The following EYA2 variants were observed in gnomAD, a reference collection of about 807,000 sequenced individuals.
EYA2 encodes the protein EYA transcriptional coactivator and phosphatase 2.
A neutral mutation model predicts 69.2 loss-of-function variants in EYA2; 31 were observed. That is an observed-to-expected ratio of 0.45 (90% CI 0.34 to 0.60). EYA2 has a LOEUF of 0.60. Among genes scored for constraint, EYA2 ranks in the 20% least tolerant of loss-of-function variants. EYA2 has a pLI of 0.02. For missense variants in EYA2, 622 were observed against 701.2 expected (o/e 0.89, Z 1.28); for synonymous variants, 257 against 279.4 (o/e 0.92, Z 0.80).
chr20:47,130,816 G>A lies in EYA2; in HGVS notation c.889-12243G>A, dbSNP rs182403741. Among the ~76,000 whole-genome samples the A allele has an allele frequency of 5.3e-4, 81 of 152,280 alleles. 1 individual carries two copies. Among genetic ancestry groups the A allele is most frequent in the Admixed American group, 4.4e-3 (67 of 15,302 alleles). On this transcript the variant is annotated intron_variant, in intron 9 of 15. Coordinates refer to ENST00000327619, the MANE Select transcript of EYA2 (RefSeq NM_005244.5). Reference sequence around the variant, plus strand: ...TATCAAAACCATGCAAAGCCCGGGCGAGGTGGCTCATGCCTATAATCCCAA... The same window carrying A: ...TATCAAAACCATGCAAAGCCCGGGCAAGGTGGCTCATGCCTATAATCCCAA...
At chr20:47,161,257 C>T (rs1350077597) in intron 10 of EYA2, 1 of 536,280 alleles carries the variant, frequency 1.9e-6, no homozygotes, top group Non-Finnish European at 3.5e-6. Flanking sequence ...AGAGCTAGCC[C>T]AGGATGATGG....
chr20:47,003,487 C>T (rs1251858530), intron 3 of EYA2, among the ~76,000 whole-genome samples: 1 of 152,258 alleles, frequency 6.6e-6, no homozygotes, highest in Non-Finnish European at 1.5e-5. Context: ...CACAGGCGTG[C>T]AGACCCAGGT....
intron 1 of EYA2, chr20:46,978,518 G>A: frequency 1.9e-6 from 1 of 530,692 alleles, no homozygotes; most frequent in Non-Finnish European, 3.9e-6. Flanking sequence ...GCGAGAGAAA[G>A]GCCAGCGTGC....
At chr20:47,112,988 C>G (rs962947422) in intron 9 of EYA2, among the ~76,000 whole-genome samples, 2 of 150,000 alleles carry the variant, frequency 1.3e-5, no homozygotes, top group Non-Finnish European at 3.0e-5. Context: ...CCTCCTGCCT[C>G]AGCCTCCCTA....
intron 12 of EYA2, among the ~76,000 whole-genome samples, chr20:47,174,802 C>G (rs1449967390): frequency 1.3e-5 from 2 of 152,232 alleles, no homozygotes; most frequent in Non-Finnish European, 2.9e-5. Flanking sequence ...CAGCGTCACA[C>G]AGCCCAGGCA....
At chr20:47,170,465 A>G (rs890163017) in intron 11 of EYA2, among the ~76,000 whole-genome samples, 8 of 151,540 alleles carry the variant, frequency 5.3e-5, no homozygotes, top group Non-Finnish European at 7.4e-5. Flanking sequence ...TGGCCAACAC[A>G]GTGAAACCCC....
At chr20:46,984,322 A>G (rs1981035905) in intron 1 of EYA2, among the ~76,000 whole-genome samples, 1 of 152,158 alleles carries the variant, frequency 6.6e-6, no homozygotes, top group Non-Finnish European at 1.5e-5. Context: ...AGAAATTTAC[A>G]GCATTCGAAA....
chr20:46,942,507 G>A (rs1986200033), intron 1 of EYA2, among the ~76,000 whole-genome samples: 1 of 152,226 alleles, frequency 6.6e-6, no homozygotes, highest in African/African-American at 2.4e-5. Flanking sequence ...GTGTAGTTGT[G>A]TAGTGTGGGT....
intron 9 of EYA2, among the ~76,000 whole-genome samples, chr20:47,135,480 T>A (rs1291200727): frequency 2.7e-5 from 4 of 150,604 alleles, no homozygotes; most frequent in Non-Finnish European, 5.9e-5. Context: ...TATTATTAAT[T>A]ATTATTATTA....
At chr20:47,117,912 T>G (rs1381018376) in intron 9 of EYA2, among the ~76,000 whole-genome samples, 2 of 152,224 alleles carry the variant, frequency 1.3e-5, no homozygotes, top group African/African-American at 4.8e-5. Flanking sequence ...TTTTATTTCT[T>G]TAACGAGAAA....
chr20:46,986,713 A>G (rs1357495294), intron 1 of EYA2, among the ~76,000 whole-genome samples: 1 of 152,136 alleles, frequency 6.6e-6, no homozygotes, highest in Non-Finnish European at 1.5e-5. Context: ...GGCACATCCC[A>G]CGGTAACAGA....
chr20:47,164,119 A>G (rs2034131367), intron 10 of EYA2, among the ~76,000 whole-genome samples: 1 of 152,042 alleles, frequency 6.6e-6, no homozygotes, highest in Non-Finnish European at 1.5e-5. Context: ...CGTACCTAGG[A>G]GAGGGATGGC....
chr20:47,063,400 T>C (rs921780255), intron 5 of EYA2, among the ~76,000 whole-genome samples: 14 of 116,912 alleles, frequency 1.2e-4, no homozygotes, highest in African/African-American at 1.9e-4. Context: ...TGCGTGTGTG[T>C]GTGTGTGTGT....
At chr20:46,994,663 C>T (rs1396325363) in intron 2 of EYA2, among the ~76,000 whole-genome samples, 1 of 152,144 alleles carries the variant, frequency 6.6e-6, no homozygotes, top group Non-Finnish European at 1.5e-5. Flanking sequence ...GCCTGGGGAA[C>T]CACATGTCAG....
At chr20:47,040,527 C>A (rs1984998264) in intron 5 of EYA2, among the ~76,000 whole-genome samples, 1 of 152,174 alleles carries the variant, frequency 6.6e-6, no homozygotes, top group Non-Finnish European at 1.5e-5. Context: ...CAGCACGGGG[C>A]CAGCCCTCAG....
At chr20:47,037,215 T>A (rs4810592) in intron 5 of EYA2, among the ~76,000 whole-genome samples, 140,541 of 152,180 alleles carry the variant, frequency 0.92, 65,191 homozygotes, top group Non-Finnish European at 0.97. Flanking sequence ...AATTACCTCC[T>A]CCAAGTCTCT....
At position 46,955,463 on chromosome 20, in the gene EYA2, C is replaced by A. The variant is rs1257471988; in HGVS notation, c.-10-34538C>A. On this transcript the variant is annotated intron_variant, in intron 1 of 15. Transcript: ENST00000327619. ...ACTTTGGGGTTCAGGTTTCTTGTGA[C>A]TTTCTTTTCCTTTTTTGGTTTCATT... 2.0e-5 allele frequency among the ~76,000 whole-genome samples: 3 copies of A among 152,198 alleles called. 1 individual carries two copies. In the East Asian group the frequency reaches 5.8e-4, roughly 29 times the overall value.
At chr20:47,013,703 G>A (rs1411357690) in intron 4 of EYA2, among the ~76,000 whole-genome samples, 4 of 152,222 alleles carry the variant, frequency 2.6e-5, no homozygotes, top group South Asian at 4.1e-4. Flanking sequence ...CAGTGAGGTC[G>A]GAGGGGTGGG....
intron 7 of EYA2, among the ~76,000 whole-genome samples, chr20:47,077,397 G>C (rs17412892): frequency 1.3e-5 from 2 of 152,108 alleles, no homozygotes; most frequent in Non-Finnish European, 2.9e-5. Context: ...GCAGCAATAC[G>C]TTAGAATGTC....
Sources: gnomAD v4.1 joint callset for allele counts (sites outside exome capture counted in the v4.1 genomes callset) on GRCh38, gnomAD v4.1.1 for gene constraint, MANE v1.5 for transcripts, NCBI Gene and HGNC (gene_info 2026-07-23, HGNC 2026-07-21) for gene names.